PDE4B: variants seen among roughly 807,000 people sequenced by gnomAD.
PDE4B encodes phosphodiesterase 4B, also known as 3',5'-cyclic-AMP phosphodiesterase 4B.
Under a neutral mutation model 82.2 loss-of-function variants are expected in PDE4B, and 20 were observed. The ratio of observed to expected loss-of-function variants is 0.24; its 90% confidence interval spans 0.17 to 0.35. The LOEUF (loss-of-function observed/expected upper bound fraction) is 0.35, where lower values mean the gene tolerates loss of function less well. Among genes scored for constraint, PDE4B ranks in the 10% least tolerant of loss-of-function variants. PDE4B has a pLI of 1.00. For synonymous variants in PDE4B, 320 were observed against 318.9 expected (o/e 1.00, Z -0.04); for missense variants, 655 against 907.2 (o/e 0.72, Z 3.57).
chr1:65,812,974 A>G (rs1236669033), intron 1 of PDE4B, among the ~76,000 whole-genome samples: 3 of 152,166 alleles, frequency 2.0e-5, no homozygotes, highest in Non-Finnish European at 4.4e-5. Flanking sequence ...AGGACACTAA[A>G]GTTTCTGTAG....
chr1:65,847,958 A>G (rs1006989296), intron 1 of PDE4B, among the ~76,000 whole-genome samples: 2 of 151,496 alleles, frequency 1.3e-5, no homozygotes, highest in Non-Finnish European at 2.9e-5. Context: ...TTTTTGGAAC[A>G]TTTGGAAACT....
intron 1 of PDE4B, among the ~76,000 whole-genome samples, chr1:65,904,073 A>G (rs534485239): frequency 6.6e-6 from 1 of 152,320 alleles, no homozygotes; most frequent in East Asian, 1.9e-4. Context: ...AGAATGAACT[A>G]TTGCCCTTTG....
intron 3 of PDE4B, among the ~76,000 whole-genome samples, chr1:65,947,832 C>G (rs757638917): frequency 4.6e-5 from 7 of 151,686 alleles, no homozygotes; most frequent in Non-Finnish European, 7.4e-5. Context: ...TTTTAGATTT[C>G]TAGCCTCCAG....
chr1:66,186,565 G>A (rs1233229866), intron 3 of PDE4B, among the ~76,000 whole-genome samples: 1 of 152,096 alleles, frequency 6.6e-6, no homozygotes. Context: ...CTTATAAGTT[G>A]GATTCCTAGG....
At chr1:65,803,134 G>A (rs1157067091) in intron 1 of PDE4B, among the ~76,000 whole-genome samples, 3 of 152,018 alleles carry the variant, frequency 2.0e-5, no homozygotes, top group African/African-American at 7.2e-5. Context: ...TCAAGATATT[G>A]ACAAAAATAT....
At chr1:66,087,916 C>A (rs1164336120) in intron 3 of PDE4B, among the ~76,000 whole-genome samples, 1 of 150,362 alleles carries the variant, frequency 6.7e-6, no homozygotes, top group African/African-American at 2.4e-5. Flanking sequence ...ATACCTAATG[C>A]TAGATGACGA....
chr1:65,825,579 C>T (rs1163172512), intron 1 of PDE4B, among the ~76,000 whole-genome samples: 1 of 152,036 alleles, frequency 6.6e-6, no homozygotes, highest in African/African-American at 2.4e-5. Context: ...GGTGCAGTGG[C>T]TCACACCTGT....
chr1:66,246,310 C>T (rs1413415814), intron 3 of PDE4B, among the ~76,000 whole-genome samples: 3 of 152,168 alleles, frequency 2.0e-5, no homozygotes, highest in Non-Finnish European at 4.4e-5. Context: ...GCAAAATCCA[C>T]CCAAAGTGAG....
chr1:65,895,932 AAATAAT>A (rs58207336), intron 1 of PDE4B, among the ~76,000 whole-genome samples: 22,217 of 143,598 alleles, frequency 0.15, 1,875 homozygotes, highest in Middle Eastern at 0.3. Flanking sequence ...ATGAAAAAGA[AAATAAT>A]AATAATAATA....
intron 1 of PDE4B, among the ~76,000 whole-genome samples, chr1:65,820,607 A>G (rs773446930): frequency 3.3e-4 from 50 of 152,198 alleles, no homozygotes; most frequent in Non-Finnish European, 6.2e-4. Flanking sequence ...TTAAAAAATT[A>G]CTTTACCACC....
At chr1:66,066,702 C>T (rs989231989) in intron 3 of PDE4B, among the ~76,000 whole-genome samples, 1 of 151,854 alleles carries the variant, frequency 6.6e-6, no homozygotes, top group South Asian at 2.1e-4. Flanking sequence ...CGCCTTGTAT[C>T]TTATGTCTCA....
intron 3 of PDE4B, among the ~76,000 whole-genome samples, chr1:65,964,010 G>C (rs543194832): frequency 2.6e-5 from 4 of 152,184 alleles, no homozygotes; most frequent in African/African-American, 9.6e-5. Flanking sequence ...TTTCCTAAAA[G>C]CAATTATTTT....
intron 3 of PDE4B, among the ~76,000 whole-genome samples, chr1:66,089,552 A>G (rs920105296): frequency 2.0e-5 from 3 of 152,000 alleles, no homozygotes; most frequent in Non-Finnish European, 4.4e-5. Flanking sequence ...TCACCTTGCA[A>G]TGGCCCCAAA....
intron 1 of PDE4B, among the ~76,000 whole-genome samples, chr1:65,896,742 T>C (rs1646914577): frequency 6.6e-6 from 1 of 152,120 alleles, no homozygotes; most frequent in Non-Finnish European, 1.5e-5. Context: ...TTTAAGAAAT[T>C]ATATTATTTC....
rs537135968 is a variant in PDE4B at position 66,259,111 on chromosome 1, C to T, written c.584+1248C>T. The stretch of plus-strand genomic sequence containing the variant: ...GTATATGAAATCTAGAGGCTTGTCT[C>T]AGCCTCTTTTGGGTAGAACTCCATT... On this transcript the variant is annotated intron_variant, in intron 6 of 16. Transcript: ENST00000341517. Among the ~76,000 whole-genome samples, 4 of 152,298 alleles carry T rather than the reference C, an allele frequency of 2.6e-5. No individual in the cohort carries two copies. In the South Asian group the frequency reaches 8.3e-4, roughly 32 times the overall value.
At chr1:66,136,261 T>C (rs1646053010) in intron 3 of PDE4B, among the ~76,000 whole-genome samples, 1 of 152,204 alleles carries the variant, frequency 6.6e-6, no homozygotes, top group Admixed American at 6.5e-5. Context: ...CTAGTTGATA[T>C]TTGTTCTTCC....
At chr1:65,876,920 A>G (rs1389540181) in intron 1 of PDE4B, among the ~76,000 whole-genome samples, 1 of 152,196 alleles carries the variant, frequency 6.6e-6, no homozygotes, top group Non-Finnish European at 1.5e-5. Context: ...AGCAAATGGA[A>G]AAAGAGTCCA....
At chr1:65,858,879 T>C (rs912947726) in intron 1 of PDE4B, among the ~76,000 whole-genome samples, 1 of 152,178 alleles carries the variant, frequency 6.6e-6, no homozygotes, top group Non-Finnish European at 1.5e-5. Flanking sequence ...AAAGATGCAG[T>C]TCAGCTCTGA....
At chr1:65,823,225 G>A (rs550723009) in intron 1 of PDE4B, among the ~76,000 whole-genome samples, 97 of 151,584 alleles carry the variant, frequency 6.4e-4, no homozygotes, top group African/African-American at 2.2e-3. Flanking sequence ...GTGAAACCCC[G>A]TCTCTACTAA....
Sources: allele counts gnomAD v4.1 joint callset (sites outside exome capture counted in the v4.1 genomes callset), GRCh38; gene constraint gnomAD v4.1.1; transcripts MANE v1.5; gene names NCBI Gene and HGNC (gene_info 2026-07-23, HGNC 2026-07-21).